NPAS3: variants seen among roughly 807,000 people sequenced by gnomAD.
NPAS3 encodes the protein neuronal PAS domain protein 3.
NPAS3 carries 14 observed loss-of-function variants against 73.1 expected under a neutral mutation model. The ratio of observed to expected loss-of-function variants is 0.19; its 90% CI spans 0.13 to 0.30. The LOEUF (loss-of-function observed/expected upper bound fraction) is 0.30. Among genes scored for constraint, NPAS3 ranks in the 10% least tolerant of loss-of-function variants. NPAS3 has a pLI of 1.00. For missense variants in NPAS3, 1,096 were observed against 1,250.0 expected, an observed-to-expected ratio of 0.88 and a Z score of 1.86; for synonymous variants, 620 against 541.5, an observed-to-expected ratio of 1.14 and a Z score of -2.01.
chr14:33,497,077 A>T (rs574909184), intron 4 of NPAS3, among the ~76,000 whole-genome samples: 1 of 152,326 alleles, frequency 6.6e-6, no homozygotes, highest in Non-Finnish European at 1.5e-5. Context: ...GAGCCAAATC[A>T]TGAGTGAACT....
chr14:32,966,034 A>G (rs1393270791), intron 1 of NPAS3, among the ~76,000 whole-genome samples: 1 of 152,172 alleles, frequency 6.6e-6, no homozygotes, highest in African/African-American at 2.4e-5. Context: ...TAAAACATTG[A>G]TGAAATAAAT....
At chr14:33,443,842 C>A (rs953162626) in intron 4 of NPAS3, among the ~76,000 whole-genome samples, 1 of 152,134 alleles carries the variant, frequency 6.6e-6, no homozygotes, top group African/African-American at 2.4e-5. Flanking sequence ...CAGCTGGAGC[C>A]ATTCGGGTAG....
chr14:33,544,748 A>G (rs1031987051), intron 4 of NPAS3, among the ~76,000 whole-genome samples: 1 of 139,190 alleles, frequency 7.2e-6, no homozygotes, highest in Admixed American at 7.3e-5. Context: ...GCCCGGGCCC[A>G]CTAAGACAAC....
chr14:33,197,897 TAC>T (rs1289817079), intron 2 of NPAS3, among the ~76,000 whole-genome samples: 1 of 152,246 alleles, frequency 6.6e-6, no homozygotes, highest in Non-Finnish European at 1.5e-5. Context: ...CGGTGAGTGT[TAC>T]AGTTCTTAAA....
chr14:33,602,544 C>T (rs2057432296), intron 5 of NPAS3, among the ~76,000 whole-genome samples: 1 of 152,202 alleles, frequency 6.6e-6, no homozygotes, highest in Non-Finnish European at 1.5e-5. Flanking sequence ...ATCCTGCACG[C>T]ACTCACCTCT....
intron 3 of NPAS3, among the ~76,000 whole-genome samples, chr14:33,337,090 C>A (rs1386235776): frequency 6.6e-6 from 1 of 152,028 alleles, no homozygotes; most frequent in African/African-American, 2.4e-5. Flanking sequence ...TTAATGAGGT[C>A]TATTTTGTCA....
At chr14:33,348,431 C>T (rs1027627165) in intron 3 of NPAS3, among the ~76,000 whole-genome samples, 12 of 152,078 alleles carry the variant, frequency 7.9e-5, no homozygotes, top group Non-Finnish European at 1.8e-4. Flanking sequence ...CTTGATATTA[C>T]TGAAAAGTAA....
intron 1 of NPAS3, among the ~76,000 whole-genome samples, chr14:33,008,233 TA>T (rs1012372848): frequency 6.6e-6 from 1 of 151,886 alleles, no homozygotes; most frequent in Non-Finnish European, 1.5e-5. Flanking sequence ...TCTGCACGGT[TA>T]AAAAAAATGA....
chr14:33,599,213 G>A (rs1006768745), intron 5 of NPAS3, among the ~76,000 whole-genome samples: 5 of 152,106 alleles, frequency 3.3e-5, no homozygotes, highest in African/African-American at 9.7e-5. Flanking sequence ...AAGTTGAACC[G>A]TTTAAATCCA....
intron 3 of NPAS3, among the ~76,000 whole-genome samples, chr14:33,249,186 C>G (rs555889915): frequency 5.9e-5 from 9 of 152,156 alleles, no homozygotes; most frequent in Middle Eastern, 3.4e-3. Flanking sequence ...GTAAGTAGGG[C>G]AGGGGATTTA....
At chr14:33,368,514 A>G (rs774101886) in intron 4 of NPAS3, among the ~76,000 whole-genome samples, 4 of 152,120 alleles carry the variant, frequency 2.6e-5, no homozygotes, top group Non-Finnish European at 4.4e-5. Context: ...GATAATTTGG[A>G]TGTTCCATCA....
chr14:33,389,066 A>G (rs2046893765), intron 4 of NPAS3, among the ~76,000 whole-genome samples: 1 of 152,224 alleles, frequency 6.6e-6, no homozygotes, highest in African/African-American at 2.4e-5. Flanking sequence ...CTGTTCCTAC[A>G]GAAGGCACTG....
chr14:32,966,778 A>T (rs2037186995), intron 1 of NPAS3, among the ~76,000 whole-genome samples: 1 of 64,630 alleles, frequency 1.5e-5, no homozygotes. Flanking sequence ...CTCCGTCTCA[A>T]AAAAAAAAAA....
intron 2 of NPAS3, among the ~76,000 whole-genome samples, chr14:33,165,077 A>C (rs1164264621): frequency 1.3e-5 from 2 of 152,112 alleles, no homozygotes; most frequent in Non-Finnish European, 2.9e-5. Flanking sequence ...TTTGGGGCAG[A>C]AGGAAAAATC....
At chr14:33,440,128 A>AG (rs2049178065) in intron 4 of NPAS3, among the ~76,000 whole-genome samples, 1 of 151,846 alleles carries the variant, frequency 6.6e-6, no homozygotes, top group Non-Finnish European at 1.5e-5. Context: ...AAAAAAAAAA[A>AG]AAAGAAAAAA....
At chr14:33,253,278 G>A (rs1437412684) in intron 3 of NPAS3, among the ~76,000 whole-genome samples, 2 of 151,906 alleles carry the variant, frequency 1.3e-5, no homozygotes, top group African/African-American at 4.8e-5. Flanking sequence ...CCAATGATGT[G>A]GTTATTGTTT....
chr14:33,308,523 T>TACACAC (rs1347327819), intron 3 of NPAS3, among the ~76,000 whole-genome samples: 26 of 88,834 alleles, frequency 2.9e-4, no homozygotes, highest in East Asian at 8.2e-4. Flanking sequence ...TATATATATA[T>TACACAC]ATATACATAC....
intron 4 of NPAS3, among the ~76,000 whole-genome samples, chr14:33,408,279 T>C (rs1342479346): frequency 6.6e-6 from 1 of 152,148 alleles, no homozygotes; most frequent in Non-Finnish European, 1.5e-5. Flanking sequence ...AGTTGGGTCC[T>C]TTCCAGTCAG....
At chr14:33,112,841 G>A (rs1253935923) in intron 2 of NPAS3, among the ~76,000 whole-genome samples, 2 of 152,140 alleles carry the variant, frequency 1.3e-5, no homozygotes, top group African/African-American at 4.8e-5. Context: ...ATTAATTTTT[G>A]TATAAGGTGT....
Sources: allele counts gnomAD v4.1 joint callset (sites outside exome capture counted in the v4.1 genomes callset), GRCh38; gene constraint gnomAD v4.1.1; transcripts MANE v1.5; gene names NCBI Gene and HGNC (gene_info 2026-07-23, HGNC 2026-07-21).